Variants in BCOR observed in about 807,000 individuals in gnomAD.
BCOR encodes the protein BCL-6 corepressor.
BCOR carries 10 observed loss-of-function variants against 86.7 expected under a neutral mutation model. The ratio of observed to expected loss-of-function variants is 0.12; its 90% confidence interval spans 0.07 to 0.20. The LOEUF (loss-of-function observed/expected upper bound fraction) is 0.20, where lower values mean the gene tolerates loss of function less well. BCOR is among the 10% of genes least tolerant of loss of function. BCOR has a pLI of 1.00. For synonymous variants in BCOR, 611 were observed against 609.0 expected (o/e 1.00, Z -0.05); for missense variants, 1,259 against 1,452.1 (o/e 0.87, Z 2.16).
intron 3 of BCOR, 116 bp from the exon 4 acceptor site, chrX:40,075,296 T>C: frequency 2.2e-6 from 1 of 454,717 alleles, no homozygotes; most frequent in Non-Finnish European, 3.4e-6. Context: ...CACAAAGGGT[T>C]AAAGACAGGC....
chrX:40,083,375 C>A (rs957038249), intron 1 of BCOR, among the ~76,000 whole-genome samples: 4 of 111,715 alleles, frequency 3.6e-5, no homozygotes, highest in African/African-American at 1.3e-4. Context: ...TCTTGGCACA[C>A]TCCAAGCCAC....
At chrX:40,153,557 C>G (rs1164804272) in intron 1 of BCOR, among the ~76,000 whole-genome samples, 1 of 112,018 alleles carries the variant, frequency 8.9e-6, no homozygotes, top group Non-Finnish European at 1.9e-5. Context: ...TCTGCCCCAC[C>G]CCCCGCGGGG....
intron 1 of BCOR, among the ~76,000 whole-genome samples, chrX:40,084,757 TAAC>T (rs1305899707): frequency 1.2e-5 from 1 of 85,182 alleles, no homozygotes; most frequent in Non-Finnish European, 2.1e-5. Context: ...GTAAGGCTAA[TAAC>T]AACAGCTATC....
chrX:40,073,784 T>C lies in BCOR; in HGVS notation c.1562A>G (p.Asn521Ser), dbSNP rs1476061406. 5 of 1,211,713 alleles carry C rather than the reference T, an allele frequency of 4.1e-6. No individual in the cohort carries two copies. The African/African-American group carries it at 6.9e-5, about 17-fold the overall frequency. ...GTTTTTCAGCGACATGCTTTTGCCA[T>C]TGTTCTCTTCGTTAGGACTTGGCCC... ...VPGPSPNEENNGKSMSLKNKA... is the reference protein window; with the variant it reads ...VPGPSPNEENSGKSMSLKNKA... Residue 521 changes from asparagine (N) to serine (S), a missense_variant, in exon 4 of 15, where the codon AAT (asparagine) becomes AGT (serine). Around this residue, in one of 7 missense-constraint regions of BCOR, gnomAD observed 534 missense variants for 594.8 expected, o/e 0.90. Coordinates refer to ENST00000378444, the MANE Select transcript of BCOR (RefSeq NM_001123385.2).
At position 40,057,138 on chromosome X, in the gene BCOR, C is replaced by T. The variant is rs1267998394; in HGVS notation, c.4595+17G>A. ...GGTCTCAGCAGAGCCAGGCTGAGAA[C>T]AAGACACATCACTGACCTGGTTCCA... On this transcript the variant is annotated intron_variant, in intron 11 of 14. Transcript: ENST00000378444. 4 of 1,208,564 alleles carry T rather than the reference C, an allele frequency of 3.3e-6. No homozygotes were observed. The East Asian group carries it at 8.9e-5, about 27-fold the overall frequency.
intron 1 of BCOR, among the ~76,000 whole-genome samples, chrX:40,086,567 G>C (rs1407471980): frequency 8.8e-6 from 1 of 113,348 alleles, no homozygotes; most frequent in Non-Finnish European, 1.9e-5. Context: ...ATGGAGGGCG[G>C]GTGTGCCGTG....
intron 1 of BCOR, among the ~76,000 whole-genome samples, chrX:40,091,249 G>T (rs963057545): frequency 2.7e-5 from 3 of 112,254 alleles, no homozygotes; most frequent in Non-Finnish European, 5.6e-5. Flanking sequence ...CTAAAAGCTC[G>T]CCCAGCCCCG....
intron 1 of BCOR, among the ~76,000 whole-genome samples, chrX:40,087,882 G>A (rs1936428244): frequency 8.9e-6 from 1 of 112,604 alleles, no homozygotes; most frequent in African/African-American, 3.2e-5. Context: ...GACTGGAAAT[G>A]CCTTGGCACT....
chrX:40,139,927 G>A (rs1015964796), intron 1 of BCOR, among the ~76,000 whole-genome samples: 2 of 110,030 alleles, frequency 1.8e-5, no homozygotes, highest in Non-Finnish European at 3.8e-5. Context: ...GGTGGGAGAG[G>A]CACCAAACAT....
chrX:40,144,124 CAG>C (rs535412529), intron 1 of BCOR, among the ~76,000 whole-genome samples: 1 of 80 alleles, frequency 0.013, no homozygotes, highest in Non-Finnish European at 0.023. Context: ...ACTGCAGTAT[CAG>C]GTGGCAGTAT....
At chrX:40,155,602 G>A (rs1288800391) in intron 1 of BCOR, among the ~76,000 whole-genome samples, 1 of 110,588 alleles carries the variant, frequency 9.0e-6, no homozygotes, top group East Asian at 2.9e-4. Context: ...ACCCCACTCG[G>A]ACTCTCAGGC....
chrX:40,060,660 C>T (rs1209738369), intron 10 of BCOR, among the ~76,000 whole-genome samples: 1 of 112,385 alleles, frequency 8.9e-6, no homozygotes, highest in African/African-American at 3.2e-5. Context: ...CTGCCTGGCA[C>T]GCTGCATCTA....
chrX:40,053,648 C>G (rs1215507391), intron 14 of BCOR, among the ~76,000 whole-genome samples: 1 of 111,669 alleles, frequency 9.0e-6, no homozygotes, highest in Non-Finnish European at 1.9e-5. Context: ...TGACTTAAGC[C>G]TTGGTGTTAG....
chrX:40,175,504 C>T (rs191760204), intron 1 of BCOR, among the ~76,000 whole-genome samples: 1 of 113,533 alleles, frequency 8.8e-6, no homozygotes, highest in East Asian at 2.8e-4. Context: ...AGGTGAAGGC[C>T]CACCCCGATT....
rs201959477 is a variant in BCOR at position 40,062,365 on chromosome X, G to C, written c.4202C>G (p.Pro1401Arg). The C allele has an allele frequency of 8.3e-7, 1 of 1,205,692 alleles. No homozygotes were observed. The highest frequency in any genetic ancestry group is 3.0e-5 in the East Asian group (1 of 33,627). Residue 1401 changes from proline (P) to arginine (R), a missense_variant, in exon 10 of 15, where the codon CCG becomes CGG. Pro to Arg is a moderately radical substitution (Grantham distance 103, BLOSUM62 -2). Transcript: ENST00000378444. ...CAGATCATAGTCCGAACTGGGCTCC[G>C]GCCGCTTTCTGAATCTCCGGACAGT... Reference protein sequence around the residue: ...KVTVRRFRKRPEPSSDYDLSP... With the variant: ...KVTVRRFRKRREPSSDYDLSP...
Position 40,072,700 on chromosome X carries a change from A to G in BCOR, c.2646T>C (p.Ser882=), listed in dbSNP as rs774813738. The G allele has an allele frequency of 3.3e-6, 4 of 1,210,390 alleles. No homozygotes were observed. The highest frequency in any genetic ancestry group is 3.0e-5 in the East Asian group (1 of 33,788). Residue 882 remains serine (S), a synonymous_variant, in exon 4 of 15, where the codon AGT becomes AGC. Coordinates refer to ENST00000378444, the MANE Select transcript of BCOR (RefSeq NM_001123385.2). The stretch of plus-strand genomic sequence containing the variant: ...TCTCTTTGTTGGTACCTGCCAGAAC[A>G]CTGTCCTTGCTTACGGTGAAGACTG... ...KQPVFTVSKD[S]VLAGTNKENL...
Position 40,097,751 on chromosome X carries a change from A to C in BCOR, c.-577T>G, listed in dbSNP as rs941245855. Among the ~76,000 whole-genome samples the C allele has an allele frequency of 2.7e-5, 3 of 109,185 alleles. No individual in the cohort carries two copies. Among genetic ancestry groups the C allele is most frequent in the Non-Finnish European group, 5.8e-5 (3 of 52,134 alleles). The allele number at this position is 109,185 out of a possible 115,157, so 94.8% of individuals were successfully genotyped here. On this transcript the variant is annotated 5_prime_UTR_variant, in exon 1 of 15. Transcript: ENST00000378444. ...GTGTGAGTGTGTGTGAGTGTTGGCC[A>C]AGTCGTCCCTGCGCGGCGACAGCGC...
chrX:40,138,114 G>A (rs966278067), intron 1 of BCOR, among the ~76,000 whole-genome samples: 4 of 111,505 alleles, frequency 3.6e-5, no homozygotes, highest in South Asian at 3.7e-4. Flanking sequence ...CATCATGCCC[G>A]GCTAATTTTG....
At chrX:40,103,178 C>T (rs1229128637) in intron 1 of BCOR, among the ~76,000 whole-genome samples, 1 of 111,035 alleles carries the variant, frequency 9.0e-6, no homozygotes, top group Non-Finnish European at 1.9e-5. Context: ...GAGGCTAATG[C>T]ATAATGCACA....
Sources: allele counts gnomAD v4.1 joint callset (sites outside exome capture counted in the v4.1 genomes callset), GRCh38; gene constraint gnomAD v4.1.1; regional missense constraint gnomAD v4.1.1; transcripts MANE v1.5; gene names NCBI Gene and HGNC (gene_info 2026-07-23, HGNC 2026-07-21).